The following SARS2 variants were observed in gnomAD, a reference collection of about 807,000 sequenced individuals.
The protein encoded by SARS2 is seryl-tRNA synthetase 2, mitochondrial.
A neutral mutation model predicts 66.8 loss-of-function variants in SARS2; 52 were observed. The observed-to-expected ratio is 0.78, with a 90% CI of 0.62 to 0.98. SARS2 has a LOEUF of 0.98. Ranked by LOEUF, SARS2 falls within the 50% of genes least tolerant of loss-of-function variation. The pLI is 0.00. For missense variants in SARS2, 673 were observed against 706.3 expected (o/e 0.95, Z 0.53); for synonymous variants, 306 against 281.4 (o/e 1.09, Z -0.87).
intron 7 of SARS2, among the ~76,000 whole-genome samples, chr19:38,919,264 G>A (rs561343966): frequency 5.3e-5 from 8 of 152,322 alleles, no homozygotes; most frequent in African/African-American, 1.7e-4. Context: ...TCCAGCCTGG[G>A]TGACAGAGCG....
intron 1 of SARS2, among the ~76,000 whole-genome samples, chr19:38,927,094 A>G (rs1293308204): frequency 6.6e-6 from 1 of 151,736 alleles, no homozygotes; most frequent in Non-Finnish European, 1.5e-5. Flanking sequence ...GTGCCACTGC[A>G]CCTGGCTAAG....
At chr19:38,922,033 G>A in intron 3 of SARS2, 3 of 1,554,072 alleles carry the variant, frequency 1.9e-6, no homozygotes, top group African/African-American at 1.4e-5. Context: ...GGGAATGGGA[G>A]GAACGTAGGA....
At position 38,930,476 on chromosome 19, in the gene SARS2, G is replaced by T. The variant is rs1424318112; in HGVS notation, c.261C>A (p.Pro87=). The T allele has an allele frequency of 6.3e-7, 1 of 1,596,612 alleles. No individual in the cohort carries two copies. The highest frequency in any genetic ancestry group is 8.5e-7 in the Non-Finnish European group (1 of 1,169,754). ...RKGELRSADL[P]AIISTWQELR... ...CCGGCGCAGGCGCACTCACGATCGC[G>T]GGCAGGTCCGCCGAGCGCAGCTCCC... Residue 87 remains proline, a synonymous_variant, in exon 1 of 16, where the codon CCC becomes CCA. Transcript: ENST00000221431.
At chr19:38,916,532 T>G (rs1600162569) in intron 12 of SARS2, among the ~76,000 whole-genome samples, 1 of 149,554 alleles carries the variant, frequency 6.7e-6, no homozygotes. Context: ...AGGCCAGGGG[T>G]GGTTATGGAG....
At chr19:38,920,940 C>T (rs1292513116) in intron 5 of SARS2, among the ~76,000 whole-genome samples, 1 of 42,292 alleles carries the variant, frequency 2.4e-5, no homozygotes, top group Non-Finnish European at 4.6e-5. Context: ...CACACATAGA[C>T]ACACACACAC....
intron 2 of SARS2, among the ~76,000 whole-genome samples, chr19:38,923,127 G>A (rs1175061526): frequency 2.0e-5 from 3 of 150,512 alleles, no homozygotes; most frequent in Middle Eastern, 3.6e-3. Flanking sequence ...GGATGGTCTC[G>A]ATCTCCTGAC....
rs151060566 is a variant in SARS2, at chr19:38,922,907, C to CTT, written c.364-642_364-641dup. On this transcript the variant is annotated intron_variant, in intron 2 of 15. Coordinates refer to ENST00000221431, the MANE Select transcript of SARS2 (RefSeq NM_017827.4). The stretch of plus-strand genomic sequence containing the variant: ...TATAAATTACCCAGTCTCAGGTATT[C>CTT]TTTTTTTTTTTTTTGAGACGGAGTC... Among the ~76,000 whole-genome samples the CTT allele has an allele frequency of 2.5e-3, 363 of 143,472 alleles. 2 individuals carry two copies. Among genetic ancestry groups the CTT allele is most frequent in the African/African-American group, 8.6e-3 (335 of 38,998 alleles). 94.1% of individuals were successfully genotyped at this position (143,472 alleles called of 152,430 possible).
chr19:38,921,479 G>A lies in SARS2; in HGVS notation c.535-33C>T, dbSNP rs769120300. ...GAGACAGCAGGAGTCACGGAAAGGT[G>A]GCACTAGGTGGGCCCCTGGCCTCCC... is the stretch of plus-strand genomic sequence containing the variant. On this transcript the variant is annotated intron_variant, in intron 4 of 15. Coordinates refer to ENST00000221431, the MANE Select transcript of SARS2 (RefSeq NM_017827.4). 5.6e-6 allele frequency: 9 copies of A among 1,614,166 alleles called. No homozygotes were observed. The East Asian group carries it at 1.8e-4, about 32-fold the overall frequency.
Position 38,921,805 on chromosome 19 carries a change from G to C in SARS2, c.394-138C>G, listed in dbSNP as rs10412886. On this transcript the variant is annotated intron_variant, in intron 3 of 15. Transcript: ENST00000221431. ...CAGGCCCAGGATCCTGAACGTCTTC[G>C]CAGAACTTCCCTTACCACCACATGG... is the stretch of plus-strand genomic sequence containing the variant. 4 of 1,382,792 alleles carry C rather than the reference G, an allele frequency of 2.9e-6. No individual in the cohort carries two copies. The Admixed American group carries it at 8.5e-5, about 29-fold the overall frequency. 85.7% of individuals were successfully genotyped at this position (1,382,792 alleles called of 1,614,324 possible).
In SARS2 at chr19:38,919,833, A is replaced by T; in HGVS notation, c.688T>A (p.Tyr230Asn). The change falls in exon 7 of 16, where the codon TAC becomes AAC. Residue 230 changes from tyrosine (Y) to asparagine (N), a missense_variant. Coordinates refer to ENST00000221431, the MANE Select transcript of SARS2 (RefSeq NM_017827.4). ...LSHVSGHRSY[Y>N]LRGAGALLQH... Reference sequence around the variant, plus strand: ...AGGAGGGCTCCAGCCCCGCGCAGGTAATAGGACCGGTGGCCAGACACGTGG... The same window carrying T: ...AGGAGGGCTCCAGCCCCGCGCAGGTTATAGGACCGGTGGCCAGACACGTGG... 6.2e-7 allele frequency: 1 copy of T among 1,614,170 alleles called. No homozygotes were observed. The highest frequency in any genetic ancestry group is 8.5e-7 in the Non-Finnish European group (1 of 1,180,012).
chr19:38,916,575 G>A (rs1249759219), intron 12 of SARS2, among the ~76,000 whole-genome samples: 1 of 144,288 alleles, frequency 6.9e-6, no homozygotes, highest in Non-Finnish European at 1.6e-5. Context: ...GCACAAAAGA[G>A]GTTGATGGGA....
At chr19:38,925,488 G>A (rs1974611542) in intron 2 of SARS2, among the ~76,000 whole-genome samples, 1 of 152,108 alleles carries the variant, frequency 6.6e-6, no homozygotes, top group South Asian at 2.1e-4. Flanking sequence ...CAACTGGAGT[G>A]TGGTGGGGGT....
chr19:38,919,828 C>T lies in SARS2; in HGVS notation c.693G>A (p.Leu231=), dbSNP rs1299881950. 1 of 1,614,172 alleles carries T rather than the reference C, an allele frequency of 6.2e-7. No homozygotes were observed. Among genetic ancestry groups the T allele is most frequent in the Non-Finnish European group, 8.5e-7 (1 of 1,180,024 alleles). Residue 231 remains leucine, a synonymous_variant, in exon 7 of 16, where the codon CTG becomes CTA. Coordinates refer to ENST00000221431, the MANE Select transcript of SARS2 (RefSeq NM_017827.4). ...GCTGCAGGAGGGCTCCAGCCCCGCGCAGGTAATAGGACCGGTGGCCAGACA... is the reference window on the plus strand; with the variant it reads ...GCTGCAGGAGGGCTCCAGCCCCGCGTAGGTAATAGGACCGGTGGCCAGACA... ...SHVSGHRSYY[L]RGAGALLQHG...
chr19:38,930,375 A>T, intron 1 of SARS2, 95 bp downstream of exon 1: 3 of 1,448,850 alleles, frequency 2.1e-6, no homozygotes, highest in Non-Finnish European at 2.8e-6. Context: ...TAAAATTCCT[A>T]CTACAGGTTC....
chr19:38,926,043 T>G (rs547450627), intron 2 of SARS2, among the ~76,000 whole-genome samples, 162 bp downstream of exon 2: 2 of 152,218 alleles, frequency 1.3e-5, no homozygotes, highest in Non-Finnish European at 2.9e-5. Context: ...CTCAAACTCC[T>G]GACCTCAGCT....
chr19:38,916,645 C>T (rs1418377800), intron 12 of SARS2, among the ~76,000 whole-genome samples: 2 of 147,310 alleles, frequency 1.4e-5, no homozygotes, highest in Non-Finnish European at 3.0e-5. Flanking sequence ...CACACATTTG[C>T]ACCTTCTAGG....
intron 2 of SARS2, 147 bp downstream of exon 2, chr19:38,926,058 C>T (rs1416613538): frequency 1.4e-6 from 1 of 713,694 alleles, no homozygotes. Flanking sequence ...TCAGCTGATC[C>T]ACCAACCTAG....
rs768505441 is a variant in SARS2, at chr19:38,915,926, G to A, written c.1348-20C>T. 197 of 1,613,380 alleles carry A rather than the reference G, an allele frequency of 1.2e-4. No individual in the cohort carries two copies. Among genetic ancestry groups the A allele is most frequent in the Non-Finnish European group, 1.7e-4 (195 of 1,179,948 alleles). ...GTTCACCTGTGAGACAGCCATGCTC[G>A]GAACTGGCGCCCACCCCAAGCTGAG... On this transcript the variant is annotated intron_variant, in intron 14 of 15. Coordinates refer to ENST00000221431, the MANE Select transcript of SARS2 (RefSeq NM_017827.4).
chr19:38,925,742 T>A (rs1568427967), intron 2 of SARS2, among the ~76,000 whole-genome samples: 1 of 152,186 alleles, frequency 6.6e-6, no homozygotes, highest in Non-Finnish European at 1.5e-5. Context: ...GAAGAACCGC[T>A]AATTAATCAG....
Sources: allele counts gnomAD v4.1 joint callset (sites outside exome capture counted in the v4.1 genomes callset), GRCh38; gene constraint gnomAD v4.1.1; transcripts MANE v1.5; gene names NCBI Gene and HGNC (gene_info 2026-07-23, HGNC 2026-07-21).